The following KGD4 variants were observed in gnomAD, a reference collection of about 807,000 sequenced individuals.
The protein encoded by KGD4 is alpha-ketoglutarate dehydrogenase component 4.
the KGD4 span, among the ~76,000 whole-genome samples, chr5:69,222,335 T>A: frequency 6.6e-6 from 1 of 152,060 alleles, no homozygotes; most frequent in African/African-American, 2.4e-5. Flanking sequence ...GGAAGTGGAA[T>A]GGGATAGGAG....
chr5:69,228,125 G>C, the KGD4 span: 7 of 1,099,730 alleles, frequency 6.4e-6, no homozygotes, highest in African/African-American at 3.2e-5. Context: ...TTGATTATTT[G>C]ATAGTATTTT....
At chr5:69,228,359 T>C in the KGD4 span, 1 of 1,600,962 alleles carries the variant, frequency 6.2e-7, no homozygotes, top group Admixed American at 1.8e-5. Flanking sequence ...AGGAAACTTG[T>C]GTCTCAAGAA....
chr5:69,228,164 T>C, the KGD4 span: 1 of 1,491,114 alleles, frequency 6.7e-7, no homozygotes, highest in Non-Finnish European at 8.9e-7. Flanking sequence ...ATCTGAACAA[T>C]TTCTCTAATA....
chr5:69,221,043 T>TGCGGAAG, the KGD4 span, among the ~76,000 whole-genome samples: 61 of 152,296 alleles, frequency 4.0e-4, no homozygotes, highest in African/African-American at 1.4e-3. Flanking sequence ...ACGTAAACAC[T>TGCGGAAG]GCGGAAGGCC....
At chr5:69,229,555 C>G in the KGD4 span, 1 of 194,260 alleles carries the variant, frequency 5.1e-6, no homozygotes, top group Non-Finnish European at 1.0e-5. Flanking sequence ...ATAGGATTCC[C>G]ATAATTTCAC....
At chr5:69,221,359 C>A in the KGD4 span, among the ~76,000 whole-genome samples, 1 of 152,024 alleles carries the variant, frequency 6.6e-6, no homozygotes. Context: ...AGAGCAAGAC[C>A]TGGTCTCAAA....
the KGD4 span, among the ~76,000 whole-genome samples, chr5:69,218,930 CA>C: frequency 6.6e-6 from 1 of 152,084 alleles, no homozygotes; most frequent in Non-Finnish European, 1.5e-5. Flanking sequence ...GAGAGACTGA[CA>C]AAGGTCTGTT....
At chr5:69,220,231 A>C in the KGD4 span, among the ~76,000 whole-genome samples, 3 of 152,222 alleles carry the variant, frequency 2.0e-5, no homozygotes, top group Admixed American at 6.5e-5. Flanking sequence ...TGACTCAAAA[A>C]AAAAAAACAA....
At chr5:69,223,078 T>TTTTTTTC in the KGD4 span, among the ~76,000 whole-genome samples, 1 of 124,234 alleles carries the variant, frequency 8.0e-6, no homozygotes, top group Non-Finnish European at 1.7e-5. Flanking sequence ...GCGCAGCTTT[T>TTTTTTTC]TTTTTTTTTT....
At chr5:69,223,627 C>T in the KGD4 span, among the ~76,000 whole-genome samples, 1 of 90,748 alleles carries the variant, frequency 1.1e-5, no homozygotes, top group African/African-American at 4.1e-5. Flanking sequence ...GTACTTTGTT[C>T]ATTAGATTCT....
At chr5:69,223,049 G>A in the KGD4 span, among the ~76,000 whole-genome samples, 20,854 of 129,024 alleles carry the variant, frequency 0.16, 1,685 homozygotes, top group African/African-American at 0.23. Context: ...GTGCTGGGAT[G>A]ACAGGCGTGA....
the KGD4 span, among the ~76,000 whole-genome samples, chr5:69,225,567 CTTTT>C: frequency 8.3e-6 from 1 of 120,268 alleles, no homozygotes; most frequent in Non-Finnish European, 1.7e-5. Flanking sequence ...GCTCAGCCAC[CTTTT>C]TTTTTTTTTT....
the KGD4 span, among the ~76,000 whole-genome samples, chr5:69,224,849 C>T: frequency 2.0e-5 from 3 of 151,920 alleles, no homozygotes; most frequent in East Asian, 3.9e-4. Flanking sequence ...CCAAGGTGGG[C>T]GGATCATGAG....
At chr5:69,222,634 C>T in the KGD4 span, among the ~76,000 whole-genome samples, 1 of 152,182 alleles carries the variant, frequency 6.6e-6, no homozygotes, top group African/African-American at 2.4e-5. Context: ...GTCTCAAACT[C>T]CTGGGCTCAA....
the KGD4 span, among the ~76,000 whole-genome samples, chr5:69,218,661 C>T: frequency 6.6e-6 from 1 of 152,130 alleles, no homozygotes; most frequent in African/African-American, 2.4e-5. Flanking sequence ...TGGAACACAA[C>T]CTCCACTTTT....
chr5:69,229,323 A>G, the KGD4 span: 23 of 932,048 alleles, frequency 2.5e-5, no homozygotes, highest in Non-Finnish European at 3.7e-5. Context: ...AACACCTTTA[A>G]TAAATATTAT....
chr5:69,221,358 C>T, the KGD4 span, among the ~76,000 whole-genome samples: 1 of 152,124 alleles, frequency 6.6e-6, no homozygotes, highest in South Asian at 2.1e-4. Flanking sequence ...CAGAGCAAGA[C>T]CTGGTCTCAA....
At chr5:69,226,268 T>C in the KGD4 span, 73 of 1,066,908 alleles carry the variant, frequency 6.8e-5, no homozygotes, top group East Asian at 1.5e-3. Context: ...ACGTATCTAC[T>C]TATGAGGTTT....
chr5:69,220,592 C>T, the KGD4 span, among the ~76,000 whole-genome samples: 28 of 151,838 alleles, frequency 1.8e-4, no homozygotes, highest in African/African-American at 6.3e-4. Context: ...GCCGCCACCC[C>T]GTCTGGGAAG....
Sources: gnomAD v4.1 joint callset for allele counts (sites outside exome capture counted in the v4.1 genomes callset) on GRCh38, gnomAD v4.1.1 for gene constraint, MANE v1.5 for transcripts, NCBI Gene and HGNC (gene_info 2026-07-23, HGNC 2026-07-21) for gene names.